Variants in OAS3 observed in about 807,000 individuals in gnomAD.
The protein encoded by OAS3 is 2'-5'-oligoadenylate synthetase 3, also known as 2'-5'-oligoadenylate synthase 3.
Under a neutral mutation model 113.0 loss-of-function variants are expected in OAS3, and 107 were observed. That is an observed-to-expected ratio of 0.95 (90% CI 0.81 to 1.11). The LOEUF (loss-of-function observed/expected upper bound fraction) is 1.11, where lower values mean the gene tolerates loss of function less well. Ranked by LOEUF, OAS3 falls within the 50% of genes most tolerant of loss-of-function variation. The probability of loss-of-function intolerance (pLI) is 0.00; values close to 1 mark genes in which losing one functional copy is unlikely to be tolerated. For missense variants in OAS3, 1,258 were observed against 1,389.1 expected (o/e 0.91, Z 1.50); for synonymous variants, 552 against 573.6 (o/e 0.96, Z 0.54).
chr12:112,941,402 A>G (rs2043678221), intron 1 of OAS3, among the ~76,000 whole-genome samples, 168 bp from the exon 2 acceptor site: 1 of 152,072 alleles, frequency 6.6e-6, no homozygotes, highest in Non-Finnish European at 1.5e-5. Flanking sequence ...TTCTCTTGAA[A>G]TCTCGAGCCT....
chr12:112,942,139 T>G (rs1259410136), intron 2 of OAS3: 2 of 567,262 alleles, frequency 3.5e-6, no homozygotes, highest in Non-Finnish European at 6.3e-6. Flanking sequence ...TGCTCAGCCC[T>G]TCCACAAATA....
At chr12:112,939,772 G>A (rs2043662747) in intron 1 of OAS3, among the ~76,000 whole-genome samples, 2 of 152,202 alleles carry the variant, frequency 1.3e-5, no homozygotes, top group African/African-American at 4.8e-5. Flanking sequence ...CTTATCCTCA[G>A]GGTAGATTTG....
intron 1 of OAS3, among the ~76,000 whole-genome samples, chr12:112,939,304 A>ATTTTTTTTTTTT (rs2043658536): frequency 8.3e-6 from 1 of 119,920 alleles, no homozygotes; most frequent in African/African-American, 3.4e-5. Flanking sequence ...TCTGAGTCAC[A>ATTTTTTTTTTTT]TCTTTTTTTT....
rs967777290 is a variant in OAS3 at position 112,959,803 on chromosome 12, T to C, written c.1658-1268T>C. ...CTACTCTGCTGCTTATCCTTAATTT[T>C]TTAAAATTTCAGTGACTTTTTCACC... On this transcript the variant is annotated intron_variant, in intron 7 of 15. Coordinates refer to ENST00000228928, the MANE Select transcript of OAS3 (RefSeq NM_006187.4). 5.3e-5 allele frequency among the ~76,000 whole-genome samples: 8 copies of C among 152,268 alleles called. No homozygotes were observed. In the East Asian group the frequency reaches 1.3e-3, roughly 26 times the overall value.
rs191224053 is a variant in OAS3, at chr12:112,964,036, A to T, written c.2230-199A>T. On this transcript the variant is annotated intron_variant, in intron 10 of 15. Transcript: ENST00000228928. The stretch of plus-strand genomic sequence containing the variant: ...CACTCATTTAAACATGGGGAAACTG[A>T]GACTGTGTATTGATGCTGGAACCAA... Among the ~76,000 whole-genome samples, 542 of 152,326 alleles carry T rather than the reference A, an allele frequency of 3.6e-3. 1 individual carries two copies. The highest frequency in any genetic ancestry group is 5.2e-3 in the Non-Finnish European group (351 of 68,018).
chr12:112,948,904 A>T lies in OAS3; in HGVS notation c.1073A>T (p.Gln358Leu), dbSNP rs746005955. 1 of 1,603,184 alleles carries T rather than the reference A, an allele frequency of 6.2e-7. No individual in the cohort carries two copies. Among genetic ancestry groups the T allele is most frequent in the Non-Finnish European group, 8.5e-7 (1 of 1,174,858 alleles). ...TGCTCAGGTTTGGGCCACCCCATCC[A>T]GCTAGACCCTAACCAGAAGACCCCT... ...AGCSGLGHPIQLDPNQKTPEN... is the reference protein window; with the variant it reads ...AGCSGLGHPILLDPNQKTPEN... The change falls in exon 6 of 16, where the codon CAG (glutamine) becomes CTG (leucine). Residue 358 changes from glutamine (Q) to leucine (L), a missense_variant. Gln to Leu is a moderately radical substitution (Grantham distance 113). Transcript: ENST00000228928.
chr12:112,944,082 C>G (rs533126518), intron 2 of OAS3, among the ~76,000 whole-genome samples: 1 of 152,258 alleles, frequency 6.6e-6, no homozygotes, highest in Non-Finnish European at 1.5e-5. Context: ...CGTGACACCT[C>G]TTAATTAAGG....
chr12:112,966,078 C>A, intron 12 of OAS3, 49 bp downstream of exon 12: 1 of 1,591,930 alleles, frequency 6.3e-7, no homozygotes, highest in African/African-American at 1.3e-5. Context: ...AGAGGCAGGG[C>A]CGCCATGGGC....
chr12:112,959,765 A>G (rs1009639030), intron 7 of OAS3, among the ~76,000 whole-genome samples: 2 of 152,048 alleles, frequency 1.3e-5, no homozygotes, highest in African/African-American at 2.4e-5. Context: ...TATAAACTCT[A>G]TTCAAATAAT....
Position 112,969,992 on chromosome 12 carries a change from T to A in OAS3, c.*19T>A. On this transcript the variant is annotated 3_prime_UTR_variant, in exon 16 of 16. Transcript: ENST00000228928. Reference sequence around the variant, plus strand: ...TGTGTGAAGTTGAGAAAATCAGCGGTCCTACTGGATGAAGAGAAGATGGAC... The same window carrying A: ...TGTGTGAAGTTGAGAAAATCAGCGGACCTACTGGATGAAGAGAAGATGGAC... The A allele has an allele frequency of 6.2e-7, 1 of 1,605,802 alleles. No individual in the cohort carries two copies. The highest frequency in any genetic ancestry group is 8.5e-7 in the Non-Finnish European group (1 of 1,176,042).
At chr12:112,956,246 G>A (rs1023090681) in intron 7 of OAS3, among the ~76,000 whole-genome samples, 2 of 151,808 alleles carry the variant, frequency 1.3e-5, no homozygotes, top group African/African-American at 4.8e-5. Flanking sequence ...TACTAGTCTT[G>A]CTAGCAGTCT....
At chr12:112,945,883 G>A (rs1485630075) in intron 3 of OAS3, among the ~76,000 whole-genome samples, 1 of 152,126 alleles carries the variant, frequency 6.6e-6, no homozygotes, top group Non-Finnish European at 1.5e-5. Context: ...TCCTCTCCAC[G>A]CAGGAGGCTG....
chr12:112,970,310 A>C lies in OAS3; in HGVS notation c.*337A>C. Reference sequence around the variant, plus strand: ...AGCTGAGAATGCCCCCTCCTCCCTGACTCCTCTCTGCCCATGCAAATTAGC... The same window carrying C: ...AGCTGAGAATGCCCCCTCCTCCCTGCCTCCTCTCTGCCCATGCAAATTAGC... On this transcript the variant is annotated 3_prime_UTR_variant, in exon 16 of 16. Coordinates refer to ENST00000228928, the MANE Select transcript of OAS3 (RefSeq NM_006187.4). The C allele has an allele frequency of 1.0e-5, 4 of 381,320 alleles. No individual in the cohort carries two copies. The highest frequency in any genetic ancestry group is 6.8e-5 in the South Asian group (2 of 29,610). 23.6% of individuals were successfully genotyped at this position (381,320 alleles called of 1,614,324 possible).
rs1859331 is a variant in OAS3, at chr12:112,938,526, C to A, written c.-5C>A. On this transcript the variant is annotated 5_prime_UTR_variant, in exon 1 of 16. Coordinates refer to ENST00000228928, the MANE Select transcript of OAS3 (RefSeq NM_006187.4). Reference sequence around the variant, plus strand: ...TGCTTCCCCTTGCACCTGCGCCGGGCGGCCATGGACTTGTACAGCACCCCG... The same window carrying A: ...TGCTTCCCCTTGCACCTGCGCCGGGAGGCCATGGACTTGTACAGCACCCCG... 1,004,338 of 1,555,722 alleles carry A rather than the reference C, an allele frequency of 0.65. 327,170 individuals are homozygous for A. The highest frequency in any genetic ancestry group is 0.8 in the East Asian group (32,704 of 41,066).
chr12:112,942,077 C>T (rs757322719), intron 2 of OAS3: 58 of 619,292 alleles, frequency 9.4e-5, no homozygotes, highest in Admixed American at 4.0e-4. Flanking sequence ...AGATGCTTGG[C>T]CCTCCCACAG....
chr12:112,969,671 G>A lies in OAS3; in HGVS notation c.3168G>A (p.Leu1056=). 6.2e-7 allele frequency: 1 copy of A among 1,610,974 alleles called. No individual in the cohort carries two copies. The highest frequency in any genetic ancestry group is 8.5e-7 in the Non-Finnish European group (1 of 1,178,636). The change falls in exon 15 of 16, where the codon CTG becomes CTA. Residue 1056 remains leucine, a synonymous_variant. Coordinates refer to ENST00000228928, the MANE Select transcript of OAS3 (RefSeq NM_006187.4). ...GNLGHNARWD[L]LAKEAAACTS... The stretch of plus-strand genomic sequence containing the variant: ...TGGGCCACAATGCCCGCTGGGACCT[G>A]CTGGCCAAGGAAGCTGCAGCCTGCA...
Position 112,950,931 on chromosome 12 carries a change from A to G in OAS3, c.1613A>G (p.Lys538Arg), listed in dbSNP as rs758729267. 1.9e-6 allele frequency: 3 copies of G among 1,613,860 alleles called. No homozygotes were observed. In the African/African-American group the frequency reaches 4.0e-5, roughly 22 times the overall value. ...LQFQLVSTALKSWTDVSLLPA... is the reference protein window; with the variant it reads ...LQFQLVSTALRSWTDVSLLPA... ...TTCCAGCTGGTGTCCACAGCCCTGAAGAGCTGGACGGATGTTAGCCTGCTG... is the reference window on the plus strand; with the variant it reads ...TTCCAGCTGGTGTCCACAGCCCTGAGGAGCTGGACGGATGTTAGCCTGCTG... Residue 538 changes from lysine (K) to arginine (R), a missense_variant, in exon 7 of 16, where the codon AAG becomes AGG. By Grantham distance (26) the Lys-to-Arg change is conservative. Coordinates refer to ENST00000228928, the MANE Select transcript of OAS3 (RefSeq NM_006187.4).
chr12:112,972,197 G>A lies in OAS3; in HGVS notation c.*2224G>A, dbSNP rs1343506982. The A allele has an allele frequency of 6.6e-6, 1 of 152,240 alleles. No homozygotes were observed. The highest frequency in any genetic ancestry group is 2.4e-5 in the African/African-American group (1 of 41,444). 9.4% of individuals were successfully genotyped at this position (152,240 alleles called of 1,614,324 possible). On this transcript the variant is annotated 3_prime_UTR_variant, in exon 16 of 16. Transcript: ENST00000228928. ...TCCCCGCAAAATGGCTCCAGAATTAGAGTAATTATGAGATGGTGGGAACCA... is the reference window on the plus strand; with the variant it reads ...TCCCCGCAAAATGGCTCCAGAATTAAAGTAATTATGAGATGGTGGGAACCA...
At chr12:112,941,945 G>C in intron 2 of OAS3, 93 bp downstream of exon 2, 1 of 1,525,912 alleles carries the variant, frequency 6.6e-7, no homozygotes, top group South Asian at 1.1e-5. Context: ...CCAACTTGCT[G>C]TTTGACCTGG....
Sources: allele counts gnomAD v4.1 joint callset (sites outside exome capture counted in the v4.1 genomes callset), GRCh38; gene constraint gnomAD v4.1.1; transcripts MANE v1.5; gene names NCBI Gene and HGNC (gene_info 2026-07-23, HGNC 2026-07-21).